MUC13: variants seen among roughly 807,000 people sequenced by gnomAD.
The protein encoded by MUC13 is mucin-13.
A neutral mutation model predicts 48.3 loss-of-function variants in MUC13; 32 were observed. That is an observed-to-expected ratio of 0.66 (90% CI 0.50 to 0.89). The LOEUF is 0.89. Among genes scored for constraint, MUC13 ranks in the 40% least tolerant of loss-of-function variants. MUC13 has a pLI of 0.00. For synonymous variants in MUC13, 199 were observed against 224.9 expected (o/e 0.88, Z 1.03); for missense variants, 571 against 622.8 (o/e 0.92, Z 0.88).
In MUC13 at chr3:124,913,542, G is replaced by T; in HGVS notation, c.1084+20C>A. On this transcript the variant is annotated intron_variant, in intron 7 of 11. Coordinates refer to ENST00000616727, the MANE Select transcript of MUC13 (RefSeq NM_033049.4). The stretch of plus-strand genomic sequence containing the variant: ...AAAGTGATGTTATGAAGAACATTTA[G>T]AAGCAGGTGAAACACTTACCAACGC... 2 of 1,613,942 alleles carry T rather than the reference G, an allele frequency of 1.2e-6. No individual in the cohort carries two copies. The highest frequency in any genetic ancestry group is 3.3e-5 in the Admixed American group (2 of 59,992).
chr3:124,914,837 A>T (rs1387973747), intron 6 of MUC13, among the ~76,000 whole-genome samples: 1 of 152,156 alleles, frequency 6.6e-6, no homozygotes, highest in Non-Finnish European at 1.5e-5. Context: ...GAGGCAGGAG[A>T]ATCGCTTGAA....
chr3:124,916,285 G>T, intron 6 of MUC13, 32 bp downstream of exon 6: 2 of 1,571,618 alleles, frequency 1.3e-6, no homozygotes, highest in Non-Finnish European at 8.7e-7. Flanking sequence ...AGGTCTTCAG[G>T]TGAACTTTGA....
chr3:124,922,208 T>G lies in MUC13; in HGVS notation c.733A>C (p.Ile245Leu). The G allele has an allele frequency of 4.3e-6, 7 of 1,613,916 alleles. No homozygotes were observed. Among genetic ancestry groups the G allele is most frequent in the Non-Finnish European group, 5.9e-6 (7 of 1,179,960 alleles). ...SMAYQDLHSE[I>L]TSLFKDVFGT... ...TGGAAAATACTTACCAAGCTAGTAA[T>G]TTCACTATGCAAGTCTTGATAGGCC... The change falls in exon 4 of 12, where the codon ATT (isoleucine) becomes CTT (leucine). Residue 245 changes from isoleucine (I) to leucine (L), a missense_variant. Physicochemically the swap from Ile to Leu is conservative, Grantham distance 5 (BLOSUM62 2). Coordinates refer to ENST00000616727, the MANE Select transcript of MUC13 (RefSeq NM_033049.4).
At chr3:124,915,342 T>C (rs941969706) in intron 6 of MUC13, among the ~76,000 whole-genome samples, 1 of 152,196 alleles carries the variant, frequency 6.6e-6, no homozygotes, top group African/African-American at 2.4e-5. Context: ...AATTGGACAG[T>C]TGTAACTGTG....
rs1368276629 is a variant in MUC13 at position 124,912,094 on chromosome 3, T to G, written c.1252+10A>C. On this transcript the variant is annotated intron_variant, in intron 9 of 11. Coordinates refer to ENST00000616727, the MANE Select transcript of MUC13 (RefSeq NM_033049.4). ...TAACTTGTTTATAATAGCAAGACTT[T>G]CATACTCACTGTCCTTACAGTCGAG... is the stretch of plus-strand genomic sequence containing the variant. 2 of 1,611,966 alleles carry G rather than the reference T, an allele frequency of 1.2e-6. No homozygotes were observed. Among genetic ancestry groups the G allele is most frequent in the African/African-American group, 2.7e-5 (2 of 74,912 alleles).
At position 124,913,101 on chromosome 3, in the gene MUC13, T is replaced by C. The variant is rs369369977; in HGVS notation, c.1214+10A>G. The C allele has an allele frequency of 6.2e-7, 1 of 1,613,084 alleles. No homozygotes were observed. Among genetic ancestry groups the C allele is most frequent in the Non-Finnish European group, 8.5e-7 (1 of 1,179,476 alleles). ...CTGTGGCAAGACAAAAACAAAGTTA[T>C]TTTTCTTACTTTTGGCAGTTCCCAT... is the stretch of plus-strand genomic sequence containing the variant. On this transcript the variant is annotated intron_variant, in intron 8 of 11. Coordinates refer to ENST00000616727, the MANE Select transcript of MUC13 (RefSeq NM_033049.4).
Position 124,913,560 on chromosome 3 carries a change from A to G in MUC13, c.1084+2T>C, listed in dbSNP as rs1935460672. The stretch of plus-strand genomic sequence containing the variant: ...ACATTTAGAAGCAGGTGAAACACTT[A>G]CCAACGCAGAAAGGGCTCTGTGGGT... On this transcript the variant is annotated splice_donor_variant, in intron 7 of 11. Coordinates refer to ENST00000616727, the MANE Select transcript of MUC13 (RefSeq NM_033049.4). LOFTEE classifies it high-confidence loss of function. 1.2e-6 allele frequency: 2 copies of G among 1,614,142 alleles called. No homozygotes were observed.
At chr3:124,934,483 C>T (rs185247859) in intron 1 of MUC13, among the ~76,000 whole-genome samples, 178 bp downstream of exon 1, 71 of 152,256 alleles carry the variant, frequency 4.7e-4, no homozygotes, top group African/African-American at 1.6e-3. Flanking sequence ...TGCTATTGCT[C>T]TATCTTCCCC....
At chr3:124,921,340 G>A (rs1935591490) in intron 4 of MUC13, among the ~76,000 whole-genome samples, 1 of 152,022 alleles carries the variant, frequency 6.6e-6, no homozygotes, top group Non-Finnish European at 1.5e-5. Context: ...TAGTAGAGAT[G>A]GGGTGTCACC....
At chr3:124,930,730 A>G (rs1038684923) in intron 1 of MUC13, among the ~76,000 whole-genome samples, 4 of 152,288 alleles carry the variant, frequency 2.6e-5, no homozygotes, top group Non-Finnish European at 2.9e-5. Flanking sequence ...GGGCACACCT[A>G]TAACTGCTTT....
chr3:124,910,259 T>C (rs1579361403), intron 10 of MUC13, among the ~76,000 whole-genome samples, 156 bp downstream of exon 10: 1 of 151,976 alleles, frequency 6.6e-6, no homozygotes, highest in Admixed American at 6.6e-5. Context: ...TTCTGGCAGG[T>C]GTGATGGCTC....
chr3:124,913,719 G>T, intron 6 of MUC13, 38 bp from the exon 7 acceptor site: 1 of 1,612,418 alleles, frequency 6.2e-7, no homozygotes, highest in South Asian at 1.1e-5. Flanking sequence ...TATTCAGCAT[G>T]ACAATATGGA....
chr3:124,916,767 C>T (rs751201660), intron 5 of MUC13, among the ~76,000 whole-genome samples: 5 of 152,124 alleles, frequency 3.3e-5, no homozygotes, highest in Non-Finnish European at 7.4e-5. Flanking sequence ...TTATGAATCA[C>T]ATTTTAAGGA....
intron 10 of MUC13, 121 bp from the exon 11 acceptor site, chr3:124,908,469 A>G (rs1428165652): frequency 3.6e-6 from 3 of 831,378 alleles, no homozygotes; most frequent in Non-Finnish European, 5.6e-6. Flanking sequence ...TTTGTAAGTT[A>G]CAAAATACAT....
chr3:124,905,798 G>A lies in MUC13; in HGVS notation c.*945C>T, dbSNP rs964940918. 2 of 152,496 alleles carry A rather than the reference G, an allele frequency of 1.3e-5. No individual in the cohort carries two copies. The highest frequency in any genetic ancestry group is 2.4e-5 in the African/African-American group (1 of 41,442). 9.4% of individuals were successfully genotyped at this position (152,496 alleles called of 1,614,324 possible). A position where few individuals can be genotyped will look rare whatever the true frequency, so the allele number is the denominator to read the frequency against. On this transcript the variant is annotated 3_prime_UTR_variant, in exon 12 of 12. Coordinates refer to ENST00000616727, the MANE Select transcript of MUC13 (RefSeq NM_033049.4). ...TGTCTCCAATTTCAAACTGACCTAA[G>A]GCTCTTACTCCTGGATTTTTTGTTT...
Position 124,932,958 on chromosome 3 carries a change from C to T in MUC13, c.52+1703G>A, listed in dbSNP as rs571036388. On this transcript the variant is annotated intron_variant, in intron 1 of 11. Transcript: ENST00000616727. Reference sequence around the variant, plus strand: ...TCCCAGCCAACTTTCCCCTTTCTACCGCCCTTCTATTCTATTTTTAAAAAG... The same window carrying T: ...TCCCAGCCAACTTTCCCCTTTCTACTGCCCTTCTATTCTATTTTTAAAAAG... 1.3e-4 allele frequency among the ~76,000 whole-genome samples: 20 copies of T among 152,192 alleles called. No homozygotes were observed. In the South Asian group the frequency reaches 3.7e-3, roughly 28 times the overall value.
In MUC13 at chr3:124,927,662, AT is replaced by A. The variant is rs1935713730; in HGVS notation, c.383del (p.Asp128ValfsTer3). On this transcript the variant is annotated frameshift_variant, in exon 2 of 12. Coordinates refer to ENST00000616727, the MANE Select transcript of MUC13 (RefSeq NM_033049.4). LOFTEE classifies it high-confidence loss of function. Reference sequence around the variant, plus strand: ...CAGAAGGAACCATTGTGATTAATCCATCATTTGGAGATGAAGCGGTGATTAT... The same window carrying A: ...CAGAAGGAACCATTGTGATTAATCCACATTTGGAGATGAAGCGGTGATTAT... ...SDIITASSPN[D>X]GLITMVPSET... The A allele has an allele frequency of 6.2e-7, 1 of 1,614,110 alleles. No individual in the cohort carries two copies. Among genetic ancestry groups the A allele is most frequent in the Admixed American group, 1.7e-5 (1 of 60,012 alleles).
intron 6 of MUC13, among the ~76,000 whole-genome samples, chr3:124,915,604 G>A (rs916564221): frequency 6.6e-6 from 1 of 152,202 alleles, no homozygotes; most frequent in Non-Finnish European, 1.5e-5. Context: ...GTAAATAAAT[G>A]ATGGTTGTTT....
chr3:124,914,040 C>T (rs886296858), intron 6 of MUC13, among the ~76,000 whole-genome samples: 7 of 151,862 alleles, frequency 4.6e-5, no homozygotes, highest in South Asian at 2.1e-4. Context: ...CCAACTTGAG[C>T]GAGAGTGAGA....
Sources: allele counts gnomAD v4.1 joint callset (sites outside exome capture counted in the v4.1 genomes callset), GRCh38; gene constraint gnomAD v4.1.1; transcripts MANE v1.5; gene names NCBI Gene and HGNC (gene_info 2026-07-23, HGNC 2026-07-21).